SEC23A: variants seen among roughly 807,000 people sequenced by gnomAD.
The protein encoded by SEC23A is SEC23 homolog A, COPII component, also known as protein transport protein Sec23A.
Under a neutral mutation model 103.7 loss-of-function variants are expected in SEC23A, and 56 were observed. That is an observed-to-expected ratio of 0.54 (90% confidence interval 0.44 to 0.67). The LOEUF is 0.67. SEC23A is among the 30% of genes least tolerant of loss of function. The pLI is 0.00. For synonymous variants in SEC23A, 281 were observed against 293.0 expected (o/e 0.96, Z 0.42); for missense variants, 784 against 936.4 (o/e 0.84, Z 2.12).
At chr14:39,034,789 C>T (rs1361348267) in intron 19 of SEC23A, among the ~76,000 whole-genome samples, 1 of 152,060 alleles carries the variant, frequency 6.6e-6, no homozygotes, top group Non-Finnish European at 1.5e-5. Context: ...TAAAATATAT[C>T]CAGGATTAGG....
At position 39,033,137 on chromosome 14, in the gene SEC23A, A is replaced by G. The variant is rs1885353836; in HGVS notation, c.*102T>C. On this transcript the variant is annotated 3_prime_UTR_variant, in exon 20 of 20. Transcript: ENST00000307712. Reference sequence around the variant, plus strand: ...CTCAAACCATACTAATACAAAAAATATAGAGCAATATCTGTTGGTTTCCAC... The same window carrying G: ...CTCAAACCATACTAATACAAAAAATGTAGAGCAATATCTGTTGGTTTCCAC... 1.2e-6 allele frequency: 1 copy of G among 837,042 alleles called. No homozygotes were observed. Among genetic ancestry groups the G allele is most frequent in the Non-Finnish European group, 2.1e-6 (1 of 483,340 alleles). The allele number at this position is 837,042 out of a possible 1,614,324, so 51.9% of individuals were successfully genotyped here. A position where few individuals can be genotyped will look rare whatever the true frequency, so the allele number is the denominator to read the frequency against.
intron 1 of SEC23A, among the ~76,000 whole-genome samples, chr14:39,100,479 C>G: frequency 6.7e-6 from 1 of 148,170 alleles, no homozygotes; most frequent in East Asian, 2.0e-4. Flanking sequence ...ATGGCGTGAT[C>G]TCGGCTCACC....
chr14:39,101,977 A>C (rs970002446), intron 1 of SEC23A, among the ~76,000 whole-genome samples: 1 of 152,204 alleles, frequency 6.6e-6, no homozygotes, highest in Non-Finnish European at 1.5e-5. Flanking sequence ...CATGCCTGTG[A>C]TCCCAGCACT....
chr14:39,077,920 G>A (rs867792022), intron 7 of SEC23A, among the ~76,000 whole-genome samples: 1 of 152,100 alleles, frequency 6.6e-6, no homozygotes, highest in Non-Finnish European at 1.5e-5. Context: ...ATGACAGAGT[G>A]AGACACTGTC....
At chr14:39,055,404 A>T in intron 13 of SEC23A, 108 bp from the exon 14 acceptor site, 2 of 1,173,826 alleles carry the variant, frequency 1.7e-6, no homozygotes, top group Non-Finnish European at 2.4e-6. Flanking sequence ...TACAGAAACT[A>T]CTAGGATTTT....
chr14:39,055,293 C>T lies in SEC23A; in HGVS notation c.1509G>A (p.Trp503Ter), dbSNP rs1886203944. ...TTTGGATTTGAGTTTGAGCATCTGC[C>T]CAGCTGAAGACAATAAGAAAGCATA... is the stretch of plus-strand genomic sequence containing the variant. ...RIRVTTIARN[W>*]ADAQTQIQNI... Residue 503 changes from tryptophan to a stop codon, truncating the protein, a stop_gained, in exon 14 of 20, where the codon TGG becomes TGA. Transcript: ENST00000307712. LOFTEE classifies it high-confidence loss of function. 1 of 1,614,012 alleles carries T rather than the reference C, an allele frequency of 6.2e-7. No individual in the cohort carries two copies. Among genetic ancestry groups the T allele is most frequent in the Non-Finnish European group, 8.5e-7 (1 of 1,179,988 alleles).
intron 1 of SEC23A, among the ~76,000 whole-genome samples, chr14:39,096,701 T>C (rs1482179782): frequency 6.6e-6 from 1 of 152,228 alleles, no homozygotes; most frequent in Non-Finnish European, 1.5e-5. Context: ...TAGTGTCTTA[T>C]TTCTTTAAGG....
At chr14:39,042,258 C>A (rs903740576) in intron 17 of SEC23A, among the ~76,000 whole-genome samples, 1 of 152,212 alleles carries the variant, frequency 6.6e-6, no homozygotes, top group Non-Finnish European at 1.5e-5. Context: ...TGAGTAACTG[C>A]AGGAATGCAT....
At chr14:39,102,665 G>C (rs1888150714) in intron 1 of SEC23A, among the ~76,000 whole-genome samples, 2 of 152,164 alleles carry the variant, frequency 1.3e-5, no homozygotes, top group African/African-American at 4.8e-5. Flanking sequence ...TCAAAGTCTA[G>C]GACACTCCAT....
At chr14:39,073,163 G>A (rs2139247625) in intron 9 of SEC23A, among the ~76,000 whole-genome samples, 1 of 152,200 alleles carries the variant, frequency 6.6e-6, no homozygotes, top group South Asian at 2.1e-4. Flanking sequence ...ATGCACTTTA[G>A]CCCCTTGTTC....
intron 14 of SEC23A, among the ~76,000 whole-genome samples, chr14:39,050,408 G>T (rs1260541303): frequency 6.6e-6 from 1 of 152,206 alleles, no homozygotes; most frequent in African/African-American, 2.4e-5. Context: ...GACAAAAGCG[G>T]TATCTGTAAA....
At chr14:39,089,861 C>A (rs1219018739) in intron 5 of SEC23A, among the ~76,000 whole-genome samples, 1 of 152,180 alleles carries the variant, frequency 6.6e-6, no homozygotes, top group African/African-American at 2.4e-5. Flanking sequence ...GAGGCTGAGG[C>A]AGGAGAATAG....
chr14:39,044,435 AAT>A (rs1430276320), intron 16 of SEC23A, among the ~76,000 whole-genome samples: 1 of 151,746 alleles, frequency 6.6e-6, no homozygotes, highest in Non-Finnish European at 1.5e-5. Flanking sequence ...ATTGTAACGA[AAT>A]AAAATATTTT....
intron 1 of SEC23A, among the ~76,000 whole-genome samples, chr14:39,098,202 T>C (rs1368216314): frequency 6.6e-6 from 1 of 152,072 alleles, no homozygotes; most frequent in African/African-American, 2.4e-5. Flanking sequence ...AGGTGTGGGA[T>C]ATTCAGAGGA....
At chr14:39,094,029 G>T (rs1316622356) in intron 2 of SEC23A, among the ~76,000 whole-genome samples, 1 of 151,132 alleles carries the variant, frequency 6.6e-6, no homozygotes, top group Non-Finnish European at 1.5e-5. Context: ...AATACTTTTG[G>T]TGTTTTTTTT....
intron 13 of SEC23A, among the ~76,000 whole-genome samples, chr14:39,059,698 T>C (rs1886401252): frequency 6.6e-6 from 1 of 152,184 alleles, no homozygotes; most frequent in African/African-American, 2.4e-5. Flanking sequence ...AAGTTGGAGA[T>C]ATTATGACCT....
At chr14:39,099,499 A>C (rs551350955) in intron 1 of SEC23A, among the ~76,000 whole-genome samples, 1 of 152,246 alleles carries the variant, frequency 6.6e-6, no homozygotes, top group Non-Finnish European at 1.5e-5. Flanking sequence ...CATAAGCTTG[A>C]CAAGTTCCTA....
intron 2 of SEC23A, among the ~76,000 whole-genome samples, chr14:39,094,026 T>C (rs561066959): frequency 1.3e-5 from 2 of 151,512 alleles, no homozygotes; most frequent in South Asian, 4.2e-4. Context: ...GAAAATACTT[T>C]TGGTGTTTTT....
chr14:39,093,088 C>A (rs1030613308), intron 3 of SEC23A, 99 bp downstream of exon 3: 35 of 903,222 alleles, frequency 3.9e-5, no homozygotes, highest in Non-Finnish European at 5.8e-5. Context: ...AGGATGGTCT[C>A]AATCTCCTGA....
Sources: allele counts gnomAD v4.1 joint callset (sites outside exome capture counted in the v4.1 genomes callset), GRCh38; gene constraint gnomAD v4.1.1; transcripts MANE v1.5; gene names NCBI Gene and HGNC (gene_info 2026-07-23, HGNC 2026-07-21).